The following FPGS variants were observed in gnomAD, a reference collection of about 807,000 sequenced individuals.
FPGS encodes the protein folylpolyglutamate synthase, also known as folylpolyglutamate synthase, mitochondrial.
Under a neutral mutation model 66.5 loss-of-function variants are expected in FPGS, and 53 were observed. The ratio of observed to expected loss-of-function variants is 0.80; its 90% CI spans 0.64 to 1.00. The LOEUF (loss-of-function observed/expected upper bound fraction) is 1.00. Among genes scored for constraint, FPGS ranks in the 50% least tolerant of loss-of-function variants. FPGS has a pLI of 0.00. For missense variants in FPGS, 702 were observed against 807.7 expected (o/e 0.87, Z 1.59); for synonymous variants, 348 against 350.9 (o/e 0.99, Z 0.09).
rs1830214140 is a variant in FPGS, at chr9:127,814,078, C to T, written c.*474C>T. The T allele has an allele frequency of 1.0e-6, 1 of 988,308 alleles. No individual in the cohort carries two copies. Among genetic ancestry groups the T allele is most frequent in the East Asian group, 1.1e-4 (1 of 8,920 alleles). The allele number at this position is 988,308 out of a possible 1,614,324, so 61.2% of individuals were successfully genotyped here. On this transcript the variant is annotated 3_prime_UTR_variant, in exon 15 of 15. Coordinates refer to ENST00000373247, the MANE Select transcript of FPGS (RefSeq NM_004957.6). The stretch of plus-strand genomic sequence containing the variant: ...TTTAAAGAAATGGCAAAGCCTTCGA[C>T]TGACCCTTGACCCCCTGCTCCCTCA...
rs747333821 is a variant in FPGS at position 127,807,129 on chromosome 9, G to A, written c.501+42G>A. ...GGCTGGCGGGTGGGTATGGTTGGGG[G>A]TGCTACGTGTTCCAGCACCCCATCT... On this transcript the variant is annotated intron_variant, in intron 5 of 14. Coordinates refer to ENST00000373247, the MANE Select transcript of FPGS (RefSeq NM_004957.6). This position sits in a 1 kb window ranked among gnomAD's most constrained non-coding sequence, Gnocchi z 5.8. The A allele has an allele frequency of 1.1e-5, 17 of 1,609,636 alleles. No homozygotes were observed. The highest frequency in any genetic ancestry group is 8.8e-5 in the South Asian group (8 of 90,986).
At chr9:127,806,901 C>T (rs1375028885) in intron 4 of FPGS, 72 bp from the exon 5 acceptor site, 64 of 1,108,976 alleles carry the variant, frequency 5.8e-5, no homozygotes, top group Non-Finnish European at 1.4e-6. Flanking sequence ...CCAGTAGCAT[C>T]AGTCCCTGCA....
Position 127,813,751 on chromosome 9 carries a change from G to A in FPGS, c.*147G>A, listed in dbSNP as rs1830191168. On this transcript the variant is annotated 3_prime_UTR_variant, in exon 15 of 15. Transcript: ENST00000373247. The stretch of plus-strand genomic sequence containing the variant: ...AGGGCTTTGGGATGGGAGGCCGGGA[G>A]AGGATGTCTTTTTTAAGGCTCTGTG... The A allele has an allele frequency of 7.6e-7, 1 of 1,311,436 alleles. No homozygotes were observed. The highest frequency in any genetic ancestry group is 2.4e-5 in the South Asian group (1 of 41,078). The allele number at this position is 1,311,436 out of a possible 1,614,324, so 81.2% of individuals were successfully genotyped here. A position where few individuals can be genotyped will look rare whatever the true frequency, so the allele number is the denominator to read the frequency against.
At chr9:127,809,210 C>CT (rs1428445889) in intron 11 of FPGS, among the ~76,000 whole-genome samples, 2 of 151,992 alleles carry the variant, frequency 1.3e-5, no homozygotes, top group Non-Finnish European at 2.9e-5. Context: ...CCAGTGGTAG[C>CT]TGCTGTCACT....
At position 127,807,538 on chromosome 9, in the gene FPGS, C is replaced by A. The variant is rs369680645; in HGVS notation, c.642-48C>A. 2.5e-6 allele frequency: 4 copies of A among 1,611,942 alleles called. No individual in the cohort carries two copies. Among genetic ancestry groups the A allele is most frequent in the Non-Finnish European group, 3.4e-6 (4 of 1,178,474 alleles). Reference sequence around the variant, plus strand: ...CAGCCAGGAGCACAGCCTCACCTGCCGCCTGGTGGCTCAGGGCAGGGCCTC... The same window carrying A: ...CAGCCAGGAGCACAGCCTCACCTGCAGCCTGGTGGCTCAGGGCAGGGCCTC... On this transcript the variant is annotated intron_variant, in intron 7 of 14. Transcript: ENST00000373247. The surrounding 1 kb of genome is among the most constrained non-coding windows in gnomAD (Gnocchi z 5.8).
intron 4 of FPGS, among the ~76,000 whole-genome samples, chr9:127,805,902 A>G (rs923766600): frequency 6.6e-6 from 1 of 152,202 alleles, no homozygotes; most frequent in African/African-American, 2.4e-5. Flanking sequence ...TTCCTGTGCC[A>G]CGCATGTCTT....
chr9:127,804,885 CTTTAA>C, intron 4 of FPGS, 185 bp downstream of exon 4: 1 of 596,630 alleles, frequency 1.7e-6, no homozygotes, highest in Non-Finnish European at 3.0e-6. Context: ...TTATGGCAAC[CTTTAA>C]TTTTTTTTTT....
chr9:127,809,897 A>C, intron 12 of FPGS, 63 bp downstream of exon 12: 1 of 479,094 alleles, frequency 2.1e-6, no homozygotes, highest in Non-Finnish European at 3.1e-6. Flanking sequence ...GATCTTGGGG[A>C]AGGGCGGGGC....
In FPGS at chr9:127,808,771, G is replaced by A. The variant is rs73614242; in HGVS notation, c.971-29G>A. 5,445 of 1,554,470 alleles carry A rather than the reference G, an allele frequency of 3.5e-3. 154 individuals are homozygous for A. The African/African-American group carries it at 0.061, about 17-fold the overall frequency. On this transcript the variant is annotated intron_variant, in intron 10 of 14. Coordinates refer to ENST00000373247, the MANE Select transcript of FPGS (RefSeq NM_004957.6). ...TGTGGAGCCTGCCTAGGAGGGTCCC[G>A]GACACACTTGGTCTCACACACCCCG...
chr9:127,811,520 C>G (rs1406129880), intron 14 of FPGS, among the ~76,000 whole-genome samples: 2 of 152,104 alleles, frequency 1.3e-5, no homozygotes, highest in East Asian at 1.9e-4. Context: ...GAGTCTCACT[C>G]TGTCCCCCAG....
intron 1 of FPGS, 118 bp from the exon 2 acceptor site, chr9:127,804,167 G>A: frequency 7.7e-7 from 1 of 1,302,620 alleles, no homozygotes; most frequent in East Asian, 2.4e-5. Flanking sequence ...TGCTGGCATG[G>A]CAGGCGGGCC....
rs144481667 is a variant in FPGS, at chr9:127,810,037, C to T, written c.1218C>T (p.Pro406=). ...CTCCTCACCTCTGTCGCAGTGGCCCCGAGGTTCGAGTCTTGCTCTTCAATG... is the reference window on the plus strand; with the variant it reads ...CTCCTCACCTCTGTCGCAGTGGCCCTGAGGTTCGAGTCTTGCTCTTCAATG... ...LQGRERPSGG[P]EVRVLLFNAT... The change falls in exon 13 of 15, where the codon CCC becomes CCT. Residue 406 remains proline (P), a synonymous_variant. Coordinates refer to ENST00000373247, the MANE Select transcript of FPGS (RefSeq NM_004957.6). The T allele has an allele frequency of 6.2e-6, 10 of 1,611,368 alleles. No individual in the cohort carries two copies. The highest frequency in any genetic ancestry group is 3.3e-5 in the Admixed American group (2 of 59,842).
At chr9:127,808,948 T>A (rs978867120) in intron 11 of FPGS, 59 bp downstream of exon 11, 40 of 399,308 alleles carry the variant, frequency 1.0e-4, no homozygotes, top group Non-Finnish European at 1.2e-4. Context: ...CCCTTCAGAT[T>A]TTTTTTTTTT....
Position 127,813,998 on chromosome 9 carries a change from C to T in FPGS, c.*394C>T. ...TGCCTTCTGGGAAGGGAGAGGGCCTCTGCCTGGGACACTGCGGGACAGAGG... is the reference window on the plus strand; with the variant it reads ...TGCCTTCTGGGAAGGGAGAGGGCCTTTGCCTGGGACACTGCGGGACAGAGG... On this transcript the variant is annotated 3_prime_UTR_variant, in exon 15 of 15. Transcript: ENST00000373247. 1 of 1,043,332 alleles carries T rather than the reference C, an allele frequency of 9.6e-7. No individual in the cohort carries two copies. The highest frequency in any genetic ancestry group is 1.2e-6 in the Non-Finnish European group (1 of 868,326). 64.6% of individuals were successfully genotyped at this position (1,043,332 alleles called of 1,614,324 possible).
chr9:127,811,113 T>C, intron 14 of FPGS, 102 bp downstream of exon 14: 1 of 624,502 alleles, frequency 1.6e-6, no homozygotes, highest in Admixed American at 2.7e-5. Context: ...TAAATTTGTT[T>C]TACTGTGTAA....
chr9:127,813,854 T>TC lies in FPGS; in HGVS notation c.*251dup. 8.1e-7 allele frequency: 1 copy of TC among 1,228,290 alleles called. No individual in the cohort carries two copies. Among genetic ancestry groups the TC allele is most frequent in the African/African-American group, 1.6e-5 (1 of 64,256 alleles). The allele number at this position is 1,228,290 out of a possible 1,614,324, so 76.1% of individuals were successfully genotyped here. A position where few individuals can be genotyped will look rare whatever the true frequency, so the allele number is the denominator to read the frequency against. On this transcript the variant is annotated 3_prime_UTR_variant, in exon 15 of 15. Transcript: ENST00000373247. ...CTCACTGTTGCAGTGGCCTGGCCGT[T>TC]CAGCCTGTCTCCCCCAACACCCCGC... is the stretch of plus-strand genomic sequence containing the variant.
At chr9:127,806,470 C>A in intron 4 of FPGS, 1 of 161,212 alleles carries the variant, frequency 6.2e-6, no homozygotes, top group East Asian at 1.8e-4. Context: ...TGCACCACTG[C>A]ACTCCAGCCT....
rs555325644 is a variant in FPGS at position 127,808,814 on chromosome 9, A to G, written c.985A>G (p.Lys329Glu). 6.4e-7 allele frequency: 1 copy of G among 1,561,270 alleles called. No homozygotes were observed. The highest frequency in any genetic ancestry group is 1.4e-5 in the African/African-American group (1 of 73,548). ...RQDRHGAGEPKASRPGLLWQL... is the reference protein window; with the variant it reads ...RQDRHGAGEPEASRPGLLWQL... ...ACACCCCGCAGGTGCTGGGGAGCCA[A>G]AGGCATCCAGGCCAGGGCTCCTGTG... The change falls in exon 11 of 15, where the codon AAG becomes GAG. Residue 329 changes from lysine to glutamate, a missense_variant. Lys to Glu is a moderately conservative substitution (Grantham distance 56, BLOSUM62 1). Coordinates refer to ENST00000373247, the MANE Select transcript of FPGS (RefSeq NM_004957.6).
At position 127,804,357 on chromosome 9, in the gene FPGS, G is replaced by C. The variant is rs1475352653; in HGVS notation, c.211G>C (p.Asp71His). The change falls in exon 2 of 15, where the codon GAC (aspartate) becomes CAC (histidine). Residue 71 changes from aspartate to histidine, a missense_variant. Physicochemically the swap from Asp to His is moderately conservative, Grantham distance 81. Around this residue, in one of 3 missense-constraint regions of FPGS, gnomAD observed 240 missense variants for 348.6 expected, o/e 0.69. Transcript: ENST00000373247. Reference protein sequence around the residue: ...YLEQVKRQRGDPQTQLEAMEL... With the variant: ...YLEQVKRQRGHPQTQLEAMEL... ...GGAGCAGGTGAAGCGCCAGCGGGGT[G>C]ACCCTCAGACACAGTTGGAAGCCAT... is the stretch of plus-strand genomic sequence containing the variant. The C allele has an allele frequency of 6.2e-7, 1 of 1,614,094 alleles. No individual in the cohort carries two copies. The highest frequency in any genetic ancestry group is 1.7e-5 in the Admixed American group (1 of 60,004).
Sources: gnomAD v4.1 joint callset for allele counts (sites outside exome capture counted in the v4.1 genomes callset) on GRCh38, gnomAD v4.1.1 for gene constraint, gnomAD v4.1.1 regional missense constraint, Gnocchi (gnomAD v3.1) non-coding constraint, MANE v1.5 for transcripts, NCBI Gene and HGNC (gene_info 2026-07-23, HGNC 2026-07-21) for gene names.